The following CCDC40 variants were observed in gnomAD, a reference collection of about 807,000 sequenced individuals.
CCDC40 encodes coiled-coil domain 40 molecular ruler complex subunit, also known as coiled-coil domain-containing protein 40.
In CCDC40, 104 loss-of-function variants were observed where a neutral mutation model predicts 124.5. That is an observed-to-expected ratio of 0.84 (90% CI 0.71 to 0.98). The LOEUF (loss-of-function observed/expected upper bound fraction) is 0.98, where lower values mean the gene tolerates loss of function less well. Ranked by LOEUF, CCDC40 falls within the 50% of genes least tolerant of loss-of-function variation. The pLI, the probability that CCDC40 is intolerant of heterozygous loss-of-function variation, is 0.00. For synonymous variants in CCDC40, 580 were observed against 602.9 expected (o/e 0.96, Z 0.56); for missense variants, 1,463 against 1,503.9 (o/e 0.97, Z 0.45).
intron 18 of CCDC40, 75 bp from the exon 19 acceptor site, chr17:80,097,170 C>T: frequency 5.9e-6 from 9 of 1,532,216 alleles, no homozygotes; most frequent in Admixed American, 1.7e-5. Flanking sequence ...CTGGCAGGTC[C>T]TCCCAGCCTG....
At position 80,087,780 on chromosome 17, in the gene CCDC40, C is replaced by T. The variant is rs764834777; in HGVS notation, c.2619+4C>T. 1.1e-5 allele frequency: 17 copies of T among 1,613,592 alleles called. No individual in the cohort carries two copies. The highest frequency in any genetic ancestry group is 8.3e-5 in the Admixed American group (5 of 60,012). ...TGAGTTCGTGCGCTCGCTGAAGGTC[C>T]GGCCGTGTCCACGCAGTCCCGGGGC... On this transcript the variant is annotated splice_donor_region_variant and intron_variant, in intron 15 of 19. Coordinates refer to ENST00000397545, the MANE Select transcript of CCDC40 (RefSeq NM_017950.4). This position sits in a 1 kb window ranked among gnomAD's most constrained non-coding sequence, Gnocchi z 4.5.
Position 80,058,477 on chromosome 17 carries a change from C to T in CCDC40, c.1160-17C>T, listed in dbSNP as rs2037808135. 5 of 1,612,550 alleles carry T rather than the reference C, an allele frequency of 3.1e-6. No individual in the cohort carries two copies. The highest frequency in any genetic ancestry group is 2.5e-6 in the Non-Finnish European group (3 of 1,179,662). ...CCACTCACTCTCTCTCTCTTTCTCC[C>T]CCGCCGCGCCCCGCAGTGGCGGCTC... On this transcript the variant is annotated splice_polypyrimidine_tract_variant and intron_variant, in intron 7 of 19. Transcript: ENST00000397545. This position sits in a 1 kb window ranked among gnomAD's most constrained non-coding sequence, Gnocchi z 4.2.
intron 17 of CCDC40, among the ~76,000 whole-genome samples, chr17:80,094,872 G>A (rs1242129675): frequency 1.3e-5 from 2 of 151,790 alleles, no homozygotes; most frequent in Non-Finnish European, 2.9e-5. Flanking sequence ...CCCAAGCCAA[G>A]GTGCATTGTC....
intron 10 of CCDC40, among the ~76,000 whole-genome samples, chr17:80,074,797 T>A (rs2038273887): frequency 6.6e-6 from 1 of 152,178 alleles, no homozygotes; most frequent in African/African-American, 2.4e-5. Context: ...TCTGTAAAGC[T>A]ATAGCTGTCA....
At position 80,087,214 on chromosome 17, in the gene CCDC40, C is replaced by A. The variant is rs545023258; in HGVS notation, c.2450-393C>A. On this transcript the variant is annotated intron_variant, in intron 14 of 19. Coordinates refer to ENST00000397545, the MANE Select transcript of CCDC40 (RefSeq NM_017950.4). This position sits in a 1 kb window ranked among gnomAD's most constrained non-coding sequence, Gnocchi z 4.5. ...AGCTTGGCTGGGGCAGGGCAGGGGT[C>A]TAAGGGCCTCCCTCTCCTGGAGACT... The A allele has an allele frequency of 5.8e-4, 194 of 331,642 alleles. No homozygotes were observed. The highest frequency in any genetic ancestry group is 5.3e-3 in the South Asian group (192 of 36,362). The allele number at this position is 331,642 out of a possible 1,614,324, so 20.5% of individuals were successfully genotyped here.
chr17:80,056,012 A>ATTTTTTTTTTTTTTTT (rs1278622929), intron 7 of CCDC40, among the ~76,000 whole-genome samples: 11 of 14,142 alleles, frequency 7.8e-4, no homozygotes, highest in Non-Finnish European at 1.2e-3. Context: ...ATATATATAT[A>ATTTTTTTTTTTTTTTT]TATATTTTTT....
At position 80,099,626 on chromosome 17, in the gene CCDC40, G is replaced by C. The variant is rs1598559514; in HGVS notation, c.3280G>C (p.Val1094Leu). The change falls in exon 20 of 20, where the codon GTG becomes CTG. Residue 1094 changes from valine (V) to leucine (L), a missense_variant. Physicochemically the swap from Val to Leu is conservative, Grantham distance 32. Transcript: ENST00000397545. ...VFLFRSKQSL[V>L]LERQRLDKRL... The stretch of plus-strand genomic sequence containing the variant: ...CCTGTTCCGCTCCAAGCAGTCCCTA[G>C]TGCTGGAGCGCCAGCGCCTGGACAA... 5 of 1,613,712 alleles carry C rather than the reference G, an allele frequency of 3.1e-6. No homozygotes were observed. The East Asian group carries it at 1.1e-4, about 36-fold the overall frequency.
chr17:80,087,309 G>A lies in CCDC40; in HGVS notation c.2450-298G>A. ...GCAAGTGTCTGGGGGAGGGAGCCTG[G>A]CCCTCCCACACGCCCTGCCCACACC... On this transcript the variant is annotated intron_variant, in intron 14 of 19. Coordinates refer to ENST00000397545, the MANE Select transcript of CCDC40 (RefSeq NM_017950.4). This position sits in a 1 kb window ranked among gnomAD's most constrained non-coding sequence, Gnocchi z 4.5. The A allele has an allele frequency of 2.1e-6, 1 of 473,592 alleles. No individual in the cohort carries two copies. Among genetic ancestry groups the A allele is most frequent in the South Asian group, 2.1e-5 (1 of 47,116 alleles). The allele number at this position is 473,592 out of a possible 1,614,324, so 29.3% of individuals were successfully genotyped here.
chr17:80,081,959 T>C lies in CCDC40; in HGVS notation c.1890T>C (p.Ala630=). 2 of 1,613,330 alleles carry C rather than the reference T, an allele frequency of 1.2e-6. No individual in the cohort carries two copies. The highest frequency in any genetic ancestry group is 8.5e-7 in the Non-Finnish European group (1 of 1,179,688). ...GELELRRKTD[A]AIREKLQEHM... ...TGGAGCTCAGGAGGAAGACGGATGC[T>C]GCCATCCGGGAGAAGCTGCAGGAGC... Residue 630 remains alanine, a synonymous_variant, in exon 12 of 20, where the codon GCT becomes GCC. Coordinates refer to ENST00000397545, the MANE Select transcript of CCDC40 (RefSeq NM_017950.4).
intron 4 of CCDC40, among the ~76,000 whole-genome samples, chr17:80,047,715 G>C (rs574378073): frequency 5.3e-5 from 8 of 152,302 alleles, no homozygotes; most frequent in African/African-American, 1.9e-4. Flanking sequence ...GTGACGCCCA[G>C]CCCCATCCCC....
intron 1 of CCDC40, among the ~76,000 whole-genome samples, chr17:80,037,312 C>CCT (rs1339086806): frequency 1.3e-5 from 2 of 152,186 alleles, no homozygotes; most frequent in African/African-American, 2.4e-5. Flanking sequence ...TGCCACCGGG[C>CCT]CTCTGCTCGC....
At position 80,072,737 on chromosome 17, in the gene CCDC40, T is replaced by C. The variant is rs542106831; in HGVS notation, c.1562+7131T>C. Among the ~76,000 whole-genome samples, 4 of 152,298 alleles carry C rather than the reference T, an allele frequency of 2.6e-5. No individual in the cohort carries two copies. In the East Asian group the frequency reaches 7.7e-4, roughly 29 times the overall value. On this transcript the variant is annotated intron_variant, in intron 10 of 19. Transcript: ENST00000397545. ...GCATCATGCTTTTGAGACCCACCCA[T>C]GTTGCAAGATCAGTAGTCTGTTCCT...
chr17:80,038,702 G>A (rs1021344598), intron 2 of CCDC40, among the ~76,000 whole-genome samples: 5 of 152,066 alleles, frequency 3.3e-5, no homozygotes, highest in African/African-American at 1.2e-4. Flanking sequence ...GTTCACGCCT[G>A]TAGTCCCAGC....
At chr17:80,078,709 C>G (rs1173160017) in intron 10 of CCDC40, among the ~76,000 whole-genome samples, 1 of 152,120 alleles carries the variant, frequency 6.6e-6, no homozygotes, top group East Asian at 1.9e-4. Context: ...ATCAGATAGT[C>G]TGAGTCTTTG....
intron 17 of CCDC40, among the ~76,000 whole-genome samples, chr17:80,093,385 G>A (rs1428284167): frequency 1.3e-5 from 2 of 152,080 alleles, no homozygotes; most frequent in African/African-American, 4.8e-5. Flanking sequence ...GTTTCACCAT[G>A]TTGGCCAGGC....
intron 10 of CCDC40, among the ~76,000 whole-genome samples, chr17:80,069,285 G>A (rs1425492279): frequency 2.0e-5 from 3 of 152,050 alleles, no homozygotes; most frequent in Non-Finnish European, 4.4e-5. Flanking sequence ...CCATAATCTT[G>A]CCCCCGTGTC....
chr17:80,072,171 C>T (rs116091903), intron 10 of CCDC40, among the ~76,000 whole-genome samples: 2,233 of 152,156 alleles, frequency 0.015, 57 homozygotes, highest in African/African-American at 0.051. Context: ...TTTCAACTTA[C>T]GATGGGTTTG....
At chr17:80,069,805 AGAG>A (rs1165715407) in intron 10 of CCDC40, among the ~76,000 whole-genome samples, 2,206 of 152,172 alleles carry the variant, frequency 0.014, 54 homozygotes, top group African/African-American at 0.051. Context: ...AGAGAGAGAG[AGAG>A]AAAAAAAGAA....
chr17:80,087,470 A>G lies in CCDC40; in HGVS notation c.2450-137A>G, dbSNP rs1041109472. 35 of 723,992 alleles carry G rather than the reference A, an allele frequency of 4.8e-5. No homozygotes were observed. The highest frequency in any genetic ancestry group is 7.8e-5 in the Non-Finnish European group (31 of 398,104). The allele number at this position is 723,992 out of a possible 1,614,324, so 44.8% of individuals were successfully genotyped here. A position where few individuals can be genotyped will look rare whatever the true frequency, so the allele number is the denominator to read the frequency against. ...GGGACGAGATTCAGGCAGGAGCGCC[A>G]GGAACGACAAGAGGGAGGGGATGAA... On this transcript the variant is annotated intron_variant, in intron 14 of 19. Transcript: ENST00000397545. This position sits in a 1 kb window ranked among gnomAD's most constrained non-coding sequence, Gnocchi z 4.5.
Sources: allele counts gnomAD v4.1 joint callset (sites outside exome capture counted in the v4.1 genomes callset), GRCh38; gene constraint gnomAD v4.1.1; non-coding constraint Gnocchi (gnomAD v3.1); transcripts MANE v1.5; gene names NCBI Gene and HGNC (gene_info 2026-07-23, HGNC 2026-07-21).